TENM4: variants seen among roughly 807,000 people sequenced by gnomAD.
TENM4 encodes teneurin transmembrane protein 4.
A neutral mutation model predicts 243.3 loss-of-function variants in TENM4; 82 were observed. The observed-to-expected ratio is 0.34, with a 90% CI of 0.28 to 0.40. The LOEUF (loss-of-function observed/expected upper bound fraction) is 0.40. Among genes scored for constraint, TENM4 ranks in the 10% least tolerant of loss-of-function variants. The probability of loss-of-function intolerance (pLI) is 1.00; values close to 1 mark genes in which losing one functional copy is unlikely to be tolerated. For missense variants in TENM4, 3,138 were observed against 3,673.3 expected (o/e 0.85, Z 3.77); for synonymous variants, 1,412 against 1,456.3 (o/e 0.97, Z 0.69).
chr11:79,171,897 A>T (rs751997032), intron 3 of TENM4, among the ~76,000 whole-genome samples: 1 of 152,230 alleles, frequency 6.6e-6, no homozygotes, highest in Non-Finnish European at 1.5e-5. Context: ...GGGGTAACCA[A>T]GTACTTTGCC....
Position 79,095,098 on chromosome 11 carries a change from G to A in TENM4, c.-65-25089C>T, listed in dbSNP as rs562471654. Among the ~76,000 whole-genome samples the A allele has an allele frequency of 5.3e-5, 8 of 152,252 alleles. No homozygotes were observed. The East Asian group carries it at 1.2e-3, about 22-fold the overall frequency. ...GCTCTGCCTGATAGGGGTGGGGAGA[G>A]GGGGGTGAAGGGGCAGGAGCAGGCC... On this transcript the variant is annotated intron_variant, in intron 4 of 33. Transcript: ENST00000278550.
At position 79,228,204 on chromosome 11, in the gene TENM4, C is replaced by T. The variant is rs114421418; in HGVS notation, c.-264-12295G>A. 6.8e-3 allele frequency among the ~76,000 whole-genome samples: 1,031 copies of T among 152,238 alleles called. 19 individuals are homozygous for T. The highest frequency in any genetic ancestry group is 0.024 in the African/African-American group (978 of 41,522). On this transcript the variant is annotated intron_variant, in intron 2 of 33. Transcript: ENST00000278550. ...CTTGCAAGCTCTCCATGGAGCAGGCCCCTCGGGTGGTGGGCCAGCTTCCCA... is the reference window on the plus strand; with the variant it reads ...CTTGCAAGCTCTCCATGGAGCAGGCTCCTCGGGTGGTGGGCCAGCTTCCCA...
chr11:79,040,802 G>A lies in TENM4; in HGVS notation c.493+23936C>T, dbSNP rs536461149. 1.8e-3 allele frequency among the ~76,000 whole-genome samples: 268 copies of A among 152,228 alleles called. 1 individual carries two copies. Among genetic ancestry groups the A allele is most frequent in the African/African-American group, 5.8e-3 (239 of 41,548 alleles). On this transcript the variant is annotated intron_variant, in intron 6 of 33. Coordinates refer to ENST00000278550, the MANE Select transcript of TENM4 (RefSeq NM_001098816.3). The stretch of plus-strand genomic sequence containing the variant: ...TTTAAGTTTTAGAAACCCACTGTGG[G>A]TATAAACTATAGGTGATCAAATCTC...
chr11:79,217,205 C>A (rs886181423), intron 2 of TENM4, among the ~76,000 whole-genome samples: 6 of 152,082 alleles, frequency 3.9e-5, no homozygotes, highest in African/African-American at 1.2e-4. Context: ...GGGGGAGGTG[C>A]TAAGGTTTTA....
At position 79,324,290 on chromosome 11, in the gene TENM4, T is replaced by C. The variant is rs896314178; in HGVS notation, c.-320-26747A>G. 4.3e-4 allele frequency among the ~76,000 whole-genome samples: 65 copies of C among 152,120 alleles called. 5 individuals are homozygous for C. On this transcript the variant is annotated intron_variant, in intron 1 of 33. Coordinates refer to ENST00000278550, the MANE Select transcript of TENM4 (RefSeq NM_001098816.3). ...AGGCTGGAGTGCAGTGGTGAGATCA[T>C]AGCTCAGTGCAGCCTCAAACTCTTA...
intron 1 of TENM4, among the ~76,000 whole-genome samples, chr11:79,377,574 T>A (rs1255034039): frequency 1.3e-5 from 2 of 152,168 alleles, no homozygotes; most frequent in Admixed American, 6.5e-5. Context: ...ATACATGCAA[T>A]CCCTAGTATA....
chr11:78,836,044 T>C (rs763002384), intron 12 of TENM4, among the ~76,000 whole-genome samples: 2 of 152,202 alleles, frequency 1.3e-5, no homozygotes, highest in African/African-American at 2.4e-5. Flanking sequence ...TGCTGTGTGA[T>C]CTTGGACCAG....
At chr11:79,257,586 G>A (rs976567695) in intron 2 of TENM4, among the ~76,000 whole-genome samples, 4 of 152,188 alleles carry the variant, frequency 2.6e-5, no homozygotes, top group African/African-American at 9.6e-5. Context: ...CACAGCTAAT[G>A]CAACAAAGTT....
intron 6 of TENM4, among the ~76,000 whole-genome samples, chr11:79,027,216 T>C (rs1160714850): frequency 6.6e-6 from 1 of 152,222 alleles, no homozygotes; most frequent in Non-Finnish European, 1.5e-5. Context: ...GTTTGTGGTT[T>C]GTGGCTTCCC....
chr11:78,712,370 A>T, intron 26 of TENM4, 112 bp downstream of exon 26: 1 of 885,636 alleles, frequency 1.1e-6, no homozygotes, highest in South Asian at 1.7e-5. Flanking sequence ...CATCCTCCAT[A>T]TATTTCTTGG....
intron 16 of TENM4, among the ~76,000 whole-genome samples, chr11:78,785,052 T>A (rs1856906823): frequency 1.7e-5 from 1 of 58,574 alleles, no homozygotes; most frequent in South Asian, 3.1e-4. Flanking sequence ...TGTTTCTGTT[T>A]TTGTTTTTTT....
At chr11:79,028,363 G>A (rs7926448) in intron 6 of TENM4, among the ~76,000 whole-genome samples, 57,456 of 152,138 alleles carry the variant, frequency 0.38, 12,634 homozygotes, top group African/African-American at 0.61. Context: ...GAGATTTGCT[G>A]GCAGGAGGCT....
At chr11:79,343,149 A>G (rs966126345) in intron 1 of TENM4, among the ~76,000 whole-genome samples, 3 of 152,162 alleles carry the variant, frequency 2.0e-5, no homozygotes, top group Non-Finnish European at 4.4e-5. Flanking sequence ...GGGAATGAGG[A>G]GCTTCCTCCT....
chr11:78,895,581 GGT>G (rs1415058059), intron 7 of TENM4, among the ~76,000 whole-genome samples: 1 of 152,058 alleles, frequency 6.6e-6, no homozygotes, highest in African/African-American at 2.4e-5. Context: ...CAAAACTCTA[GGT>G]GTCTAGTTCT....
intron 1 of TENM4, among the ~76,000 whole-genome samples, chr11:79,310,900 T>A (rs573457927): frequency 3.0e-4 from 45 of 152,244 alleles, no homozygotes; most frequent in African/African-American, 1.1e-3. Flanking sequence ...ACTAAGTGGG[T>A]AGGAGAGGGT....
At chr11:78,843,315 T>C (rs1377252500) in intron 12 of TENM4, among the ~76,000 whole-genome samples, 1 of 151,796 alleles carries the variant, frequency 6.6e-6, no homozygotes, top group East Asian at 1.9e-4. Context: ...ATCCTACTTC[T>C]ACAAAAAATA....
chr11:78,844,931 G>C (rs913652548), intron 12 of TENM4, among the ~76,000 whole-genome samples: 2 of 152,144 alleles, frequency 1.3e-5, no homozygotes, highest in Non-Finnish European at 2.9e-5. Context: ...CTCTTTTCTT[G>C]TATTTTTCTT....
chr11:79,101,029 C>T (rs1861217734), intron 4 of TENM4, among the ~76,000 whole-genome samples: 1 of 151,664 alleles, frequency 6.6e-6, no homozygotes, highest in South Asian at 2.1e-4. Context: ...TGCAAAGCAT[C>T]CAGGATTATA....
At chr11:79,171,983 G>C (rs932769596) in intron 3 of TENM4, among the ~76,000 whole-genome samples, 5 of 152,186 alleles carry the variant, frequency 3.3e-5, no homozygotes, top group Admixed American at 6.5e-5. Flanking sequence ...ACAAGGTCTT[G>C]CTCCGTTACT....
Sources: gnomAD v4.1 joint callset for allele counts (sites outside exome capture counted in the v4.1 genomes callset) on GRCh38, gnomAD v4.1.1 for gene constraint, MANE v1.5 for transcripts, NCBI Gene and HGNC (gene_info 2026-07-23, HGNC 2026-07-21) for gene names.